Variants in CYP2R1 observed in about 807,000 individuals in gnomAD.
CYP2R1 encodes cytochrome P450 family 2 subfamily R member 1, also known as vitamin D 25-hydroxylase.
CYP2R1 carries 40 observed loss-of-function variants against 45.7 expected under a neutral mutation model. That is an observed-to-expected ratio of 0.87 (90% CI 0.68 to 1.14). The LOEUF (loss-of-function observed/expected upper bound fraction) is 1.14, where lower values mean the gene tolerates loss of function less well. Among genes scored for constraint, CYP2R1 ranks in the 50% most tolerant of loss-of-function variants. CYP2R1 has a pLI of 0.00. For synonymous variants in CYP2R1, 234 were observed against 219.3 expected, an observed-to-expected ratio of 1.07 and a Z score of -0.59; for missense variants, 605 against 602.6, an observed-to-expected ratio of 1.00 and a Z score of -0.04.
chr11:14,884,164 T>C (rs370231313), intron 2 of CYP2R1, among the ~76,000 whole-genome samples: 1 of 151,546 alleles, frequency 6.6e-6, no homozygotes, highest in Non-Finnish European at 1.5e-5. Context: ...CATTTGACCC[T>C]GCCATCCCAT....
At chr11:14,889,758 T>G (rs1319273396) in intron 1 of CYP2R1, among the ~76,000 whole-genome samples, 7 of 152,230 alleles carry the variant, frequency 4.6e-5, no homozygotes, top group African/African-American at 1.7e-4. Context: ...CCTTTTTCTG[T>G]GAGAAACCAT....
chr11:14,882,807 C>A (rs141941634), intron 2 of CYP2R1, among the ~76,000 whole-genome samples: 165 of 152,280 alleles, frequency 1.1e-3, no homozygotes, highest in African/African-American at 3.5e-3. Context: ...CCAAAATCTC[C>A]TTAAGCTGAT....
chr11:14,879,776 G>A lies in CYP2R1; in HGVS notation c.1001-333C>T, dbSNP rs1218861149. 4.6e-5 allele frequency among the ~76,000 whole-genome samples: 7 copies of A among 152,098 alleles called. No homozygotes were observed. The East Asian group carries it at 1.3e-3, about 29-fold the overall frequency. The stretch of plus-strand genomic sequence containing the variant: ...TGCTCTGGGTAGCTCTATTGTGAAA[G>A]ACATAAGTAATAAGAATAAACATTA... On this transcript the variant is annotated intron_variant, in intron 3 of 4. Coordinates refer to ENST00000334636, the MANE Select transcript of CYP2R1 (RefSeq NM_024514.5).
chr11:14,888,373 TA>T (rs1287483824), intron 1 of CYP2R1, among the ~76,000 whole-genome samples: 10 of 152,226 alleles, frequency 6.6e-5, no homozygotes, highest in African/African-American at 2.2e-4. Context: ...GACATACATT[TA>T]AACATATTAT....
intron 1 of CYP2R1, chr11:14,891,235 A>C: frequency 1.3e-5 from 13 of 985,124 alleles, no homozygotes; most frequent in Non-Finnish European, 1.6e-5. Context: ...AGGAGGAGCG[A>C]AGTACCGACC....
rs1848205476 is a variant in CYP2R1, at chr11:14,877,510, G to A, written c.*612C>T. ...ACTGCTATGAAGATGGACACTCAGG[G>A]TCACACAGACCCTCATTTATAAGAA... On this transcript the variant is annotated 3_prime_UTR_variant, in exon 5 of 5. Transcript: ENST00000334636. 1 of 152,040 alleles carries A rather than the reference G, an allele frequency of 6.6e-6. No homozygotes were observed. Among genetic ancestry groups the A allele is most frequent in the South Asian group, 2.1e-4 (1 of 4,820 alleles). The allele number at this position is 152,040 out of a possible 1,614,324, so 9.4% of individuals were successfully genotyped here. A position where few individuals can be genotyped will look rare whatever the true frequency, so the allele number is the denominator to read the frequency against.
intron 2 of CYP2R1, among the ~76,000 whole-genome samples, chr11:14,884,655 C>T (rs1448440829): frequency 1.3e-5 from 2 of 151,374 alleles, no homozygotes; most frequent in South Asian, 4.2e-4. Flanking sequence ...AAATTGTGCA[C>T]CTGTACCCTA....
intron 1 of CYP2R1, among the ~76,000 whole-genome samples, chr11:14,889,871 G>A (rs1848763767): frequency 6.6e-6 from 1 of 152,152 alleles, no homozygotes; most frequent in Non-Finnish European, 1.5e-5. Context: ...GCTCACACCT[G>A]TAATCCCAGC....
intron 2 of CYP2R1, among the ~76,000 whole-genome samples, chr11:14,884,810 A>C (rs926166051): frequency 1.3e-5 from 2 of 152,124 alleles, no homozygotes; most frequent in African/African-American, 4.8e-5. Context: ...ACAGCTTTGA[A>C]AAATATATAC....
In CYP2R1 at chr11:14,878,139, A is replaced by C. The variant is rs782665218; in HGVS notation, c.1489T>G (p.Cys497Gly). Residue 497 changes from cysteine (C) to glycine (G), a missense_variant, in exon 5 of 5, where the codon TGT (cysteine) becomes GGT (glycine). Cys to Gly is a radical substitution (Grantham distance 159). Transcript: ENST00000334636. ...MTLQPQPYLI[C>G]AERR ...AGGCAGTTTCAGCGTCTTTCAGCAC[A>C]GATGAGGTAGGGTTGGGGCTGCAAT... 4 of 1,612,976 alleles carry C rather than the reference A, an allele frequency of 2.5e-6. No homozygotes were observed. Among genetic ancestry groups the C allele is most frequent in the Non-Finnish European group, 3.4e-6 (4 of 1,179,400 alleles).
chr11:14,889,101 C>G (rs528543213), intron 1 of CYP2R1, among the ~76,000 whole-genome samples: 1 of 151,048 alleles, frequency 6.6e-6, no homozygotes, highest in Non-Finnish European at 1.5e-5. Flanking sequence ...ATTGAATTCA[C>G]AGACTAACAC....
chr11:14,891,291 G>A (rs1298511454), intron 1 of CYP2R1: 2 of 985,292 alleles, frequency 2.0e-6, no homozygotes, highest in Admixed American at 6.1e-5. Context: ...AGTTGGCAGT[G>A]ACAGTGGCAC....
Position 14,880,578 on chromosome 11 carries a change from A to G in CYP2R1, c.558T>C (p.Ala186=). 6.2e-7 allele frequency: 1 copy of G among 1,613,380 alleles called. No homozygotes were observed. Among genetic ancestry groups the G allele is most frequent in the Non-Finnish European group, 8.5e-7 (1 of 1,179,600 alleles). The change falls in exon 3 of 5, where the codon GCT becomes GCC. Residue 186 remains alanine (A), a synonymous_variant. Coordinates refer to ENST00000334636, the MANE Select transcript of CYP2R1 (RefSeq NM_024514.5). ...TGATCAGATTGGTTATGTTTGAAAC[A>G]GCATTCGTTATTAACTGTTTAAAGT... ...PFDFKQLITN[A]VSNITNLIIF...
intron 2 of CYP2R1, among the ~76,000 whole-genome samples, chr11:14,882,921 C>A (rs1432786131): frequency 2.6e-5 from 4 of 151,520 alleles, no homozygotes; most frequent in African/African-American, 4.9e-5. Context: ...CATGAGTGAA[C>A]TCCCATTCAC....
chr11:14,884,334 T>C (rs1360876483), intron 2 of CYP2R1, among the ~76,000 whole-genome samples: 1 of 151,934 alleles, frequency 6.6e-6, no homozygotes, highest in Non-Finnish European at 1.5e-5. Flanking sequence ...ATATACACCA[T>C]GGAATACTAT....
At chr11:14,892,241 C>T, upstream of CYP2R1, 1 of 1,589,228 alleles carries the variant, frequency 6.3e-7, no homozygotes, top group Non-Finnish European at 8.6e-7. Context: ...CACAGCAGCC[C>T]TGAGACCCAG....
In CYP2R1 at chr11:14,878,130, T is replaced by A. The variant is rs1242730043; in HGVS notation, c.1498A>T (p.Arg500Ter). ...AAACATCCCAGGCAGTTTCAGCGTC[T>A]TTCAGCACAGATGAGGTAGGGTTGG... ...QPQPYLICAE[R>*]R The change falls in exon 5 of 5, where the codon AGA becomes TGA. Residue 500 changes from arginine to a stop codon, truncating the protein, a stop_gained. Transcript: ENST00000334636. LOFTEE classifies it high-confidence loss of function. 7 of 1,612,978 alleles carry A rather than the reference T, an allele frequency of 4.3e-6. No individual in the cohort carries two copies. Among genetic ancestry groups the A allele is most frequent in the Non-Finnish European group, 5.1e-6 (6 of 1,179,396 alleles).
intron 1 of CYP2R1, among the ~76,000 whole-genome samples, chr11:14,889,156 G>A (rs1352713355): frequency 7.2e-6 from 1 of 139,840 alleles, no homozygotes. Context: ...CAATTTTAAA[G>A]TCCAGTTGTT....
At position 14,877,984 on chromosome 11, in the gene CYP2R1, C is replaced by T; in HGVS notation, c.*138G>A. ...ACTAGTGCTTGTTTCTGCTCTAGTA[C>T]TATTTTAAGACACATCTGTGTTCAT... On this transcript the variant is annotated 3_prime_UTR_variant, in exon 5 of 5. Coordinates refer to ENST00000334636, the MANE Select transcript of CYP2R1 (RefSeq NM_024514.5). The T allele has an allele frequency of 1.2e-6, 1 of 836,436 alleles. No homozygotes were observed. Among genetic ancestry groups the T allele is most frequent in the Non-Finnish European group, 1.9e-6 (1 of 526,926 alleles). The allele number at this position is 836,436 out of a possible 1,614,324, so 51.8% of individuals were successfully genotyped here.
Sources: gnomAD v4.1 joint callset for allele counts (sites outside exome capture counted in the v4.1 genomes callset) on GRCh38, gnomAD v4.1.1 for gene constraint, MANE v1.5 for transcripts, NCBI Gene and HGNC (gene_info 2026-07-23, HGNC 2026-07-21) for gene names.